The following SGK3 variants were observed in gnomAD, a reference collection of about 807,000 sequenced individuals.
SGK3 encodes serum/glucocorticoid regulated kinase family member 3, also known as serine/threonine-protein kinase Sgk3.
In SGK3, 47 loss-of-function variants were observed where a neutral mutation model predicts 68.5. The observed-to-expected ratio is 0.69, with a 90% CI of 0.54 to 0.87. The LOEUF (loss-of-function observed/expected upper bound fraction) is 0.87. Among genes scored for constraint, SGK3 ranks in the 40% least tolerant of loss-of-function variants. The probability of loss-of-function intolerance (pLI) is 0.00; values close to 1 mark genes in which losing one functional copy is unlikely to be tolerated. For synonymous variants in SGK3, 181 were observed against 189.1 expected (o/e 0.96, Z 0.35); for missense variants, 479 against 575.5 (o/e 0.83, Z 1.72).
At chr8:66,744,843 G>A (rs902877517) in intron 1 of SGK3, among the ~76,000 whole-genome samples, 1 of 150,774 alleles carries the variant, frequency 6.6e-6, no homozygotes, top group East Asian at 2.0e-4. Context: ...GTTGTGTGTG[G>A]GACCTTTTGG....
At chr8:66,753,674 A>G (rs1336936819) in intron 1 of SGK3, among the ~76,000 whole-genome samples, 4 of 152,094 alleles carry the variant, frequency 2.6e-5, no homozygotes, top group African/African-American at 4.8e-5. Context: ...AAAATACAAA[A>G]TTAGCTGGGC....
At chr8:66,796,652 A>G (rs946231672) in intron 2 of SGK3, among the ~76,000 whole-genome samples, 88 of 152,242 alleles carry the variant, frequency 5.8e-4, no homozygotes, top group African/African-American at 2.0e-3. Flanking sequence ...GTTCTATACC[A>G]TGAAGCTTCT....
At chr8:66,734,346 A>G (rs1275405458) in intron 1 of SGK3, among the ~76,000 whole-genome samples, 3 of 150,610 alleles carry the variant, frequency 2.0e-5, no homozygotes, top group South Asian at 2.1e-4. Flanking sequence ...GCTTCAAATA[A>G]TGCTATGTGG....
At chr8:66,758,006 C>CACT (rs1269438920) in intron 1 of SGK3, among the ~76,000 whole-genome samples, 5 of 141,776 alleles carry the variant, frequency 3.5e-5, no homozygotes, top group African/African-American at 1.4e-4. Context: ...TATACACACA[C>CACT]ACACTACACA....
At chr8:66,723,107 ATATATATATATATATATATATATATTTTT>A (rs1302303817) in intron 1 of SGK3, among the ~76,000 whole-genome samples, 1 of 39,182 alleles carries the variant, frequency 2.6e-5, no homozygotes, top group Non-Finnish European at 5.1e-5. Flanking sequence ...ATATATATAT[ATATATATATATATATATATATATATTTTT>A]TTTTTTTTTT....
At chr8:66,812,472 G>T (rs1437382653) in intron 4 of SGK3, among the ~76,000 whole-genome samples, 2 of 151,864 alleles carry the variant, frequency 1.3e-5, no homozygotes, top group African/African-American at 4.8e-5. Context: ...CAGGAGAATC[G>T]CTTGAAACTC....
At chr8:66,803,067 G>A (rs1161401993) in intron 3 of SGK3, among the ~76,000 whole-genome samples, 1 of 152,062 alleles carries the variant, frequency 6.6e-6, no homozygotes, top group Non-Finnish European at 1.5e-5. Context: ...CCTTAATATT[G>A]GATATCCAAT....
intron 13 of SGK3, among the ~76,000 whole-genome samples, chr8:66,843,155 C>G (rs181326169): frequency 1.2e-3 from 184 of 152,272 alleles, no homozygotes; most frequent in African/African-American, 4.1e-3. Context: ...ACTTTCCCCA[C>G]AAATACCTAC....
intron 1 of SGK3, among the ~76,000 whole-genome samples, chr8:66,760,337 T>TTC (rs1563613607): frequency 1.5e-4 from 20 of 130,294 alleles, no homozygotes; most frequent in African/African-American, 4.9e-4. Context: ...TTTCTTTTTT[T>TTC]TTTTTTTTTT....
At position 66,861,804 on chromosome 8, in the gene SGK3, C is replaced by CT. The variant is rs1219078158; in HGVS notation, c.*2224dup. ...TAAATATTTGGTTTATTTGGCACTACTGTAAGTTTTGTTTTTCACAAAGCT... is the reference window on the plus strand; with the variant it reads ...TAAATATTTGGTTTATTTGGCACTACTTGTAAGTTTTGTTTTTCACAAAGCT... On this transcript the variant is annotated 3_prime_UTR_variant, in exon 17 of 17. Coordinates refer to ENST00000521198, the MANE Select transcript of SGK3 (RefSeq NM_001033578.3). 1 of 152,180 alleles carries CT rather than the reference C, an allele frequency of 6.6e-6. No individual in the cohort carries two copies. Among genetic ancestry groups the CT allele is most frequent in the African/African-American group, 2.4e-5 (1 of 41,538 alleles). The allele number at this position is 152,180 out of a possible 1,614,324, so 9.4% of individuals were successfully genotyped here.
chr8:66,835,877 C>T, intron 9 of SGK3, 31 bp downstream of exon 9: 1 of 1,608,546 alleles, frequency 6.2e-7, no homozygotes, highest in South Asian at 1.1e-5. Context: ...CTCTCAAGCC[C>T]ATTTTCTCAA....
intron 1 of SGK3, among the ~76,000 whole-genome samples, chr8:66,746,296 C>T (rs781480018): frequency 4.6e-5 from 7 of 152,168 alleles, no homozygotes; most frequent in Non-Finnish European, 1.0e-4. Context: ...TTTTCTTTTG[C>T]ATTTTCCCTC....
chr8:66,856,456 T>C lies in SGK3; in HGVS notation c.1321-2955T>C, dbSNP rs540657844. Among the ~76,000 whole-genome samples, 7 of 152,228 alleles carry C rather than the reference T, an allele frequency of 4.6e-5. No individual in the cohort carries two copies. In the East Asian group the frequency reaches 1.4e-3, roughly 29 times the overall value. On this transcript the variant is annotated intron_variant, in intron 16 of 16. Transcript: ENST00000521198. ...CAGAAGTGTTTTGGATTTGGGATTG[T>C]TTTTTGGATTTTTGGATTTACTTAC...
chr8:66,828,749 A>G (rs1161671731), intron 7 of SGK3, 46 bp downstream of exon 7: 2 of 1,606,902 alleles, frequency 1.2e-6, no homozygotes, highest in African/African-American at 1.3e-5. Context: ...AATTTTAGGA[A>G]GATCTTTTTT....
intron 1 of SGK3, among the ~76,000 whole-genome samples, chr8:66,760,581 G>A (rs964111633): frequency 1.1e-4 from 16 of 151,958 alleles, no homozygotes; most frequent in African/African-American, 3.6e-4. Context: ...TGATCCGTCC[G>A]CCTCGGCCTC....
intron 1 of SGK3, among the ~76,000 whole-genome samples, chr8:66,720,783 A>T (rs914026903): frequency 1.3e-5 from 2 of 150,170 alleles, no homozygotes; most frequent in African/African-American, 2.5e-5. Context: ...AAAAAAAATT[A>T]TATATATATA....
At position 66,841,089 on chromosome 8, in the gene SGK3, C is replaced by G. The variant is rs1389039643; in HGVS notation, c.957C>G (p.Thr319=). Residue 319 remains threonine, a synonymous_variant, in exon 13 of 17, where the codon ACC becomes ACG. Transcript: ENST00000521198. ...KEGIAISDTT[T]TFCGTPEYLA... is the part of the protein sequence containing the mutation. ...GAATTGCTATTTCTGACACCACTAC[C>G]ACATTTTGTGGGACACCAGAGGTAA... 1 of 1,593,102 alleles carries G rather than the reference C, an allele frequency of 6.3e-7. No individual in the cohort carries two copies. Among genetic ancestry groups the G allele is most frequent in the African/African-American group, 1.4e-5 (1 of 73,826 alleles).
At chr8:66,766,547 T>C (rs1806325427) in intron 1 of SGK3, among the ~76,000 whole-genome samples, 1 of 152,070 alleles carries the variant, frequency 6.6e-6, no homozygotes, top group African/African-American at 2.4e-5. Context: ...AATAAATAAA[T>C]AAAATCTCAA....
chr8:66,841,900 T>C (rs1280011959), intron 13 of SGK3, among the ~76,000 whole-genome samples: 1 of 152,210 alleles, frequency 6.6e-6, no homozygotes, highest in Admixed American at 6.5e-5. Flanking sequence ...TAGTTTATTT[T>C]GAACTGTCCA....
Sources: allele counts gnomAD v4.1 joint callset (sites outside exome capture counted in the v4.1 genomes callset), GRCh38; gene constraint gnomAD v4.1.1; transcripts MANE v1.5; gene names NCBI Gene and HGNC (gene_info 2026-07-23, HGNC 2026-07-21).